The following ARAP2 variants were observed in gnomAD, a reference collection of about 807,000 sequenced individuals.
ARAP2 encodes arf-GAP with Rho-GAP domain, ANK repeat and PH domain-containing protein 2.
ARAP2 carries 148 observed loss-of-function variants against 194.5 expected under a neutral mutation model. The observed-to-expected ratio is 0.76, with a 90% CI of 0.67 to 0.87. The LOEUF (loss-of-function observed/expected upper bound fraction) is 0.87, where lower values mean the gene tolerates loss of function less well. ARAP2 is among the 40% of genes least tolerant of loss of function. The probability of loss-of-function intolerance (pLI) is 0.00; values close to 1 mark genes in which losing one functional copy is unlikely to be tolerated. For synonymous variants in ARAP2, 695 were observed against 683.5 expected (o/e 1.02, Z -0.26); for missense variants, 2,128 against 1,989.7 (o/e 1.07, Z -1.32).
chr4:36,177,161 T>G (rs1738130233), intron 9 of ARAP2, among the ~76,000 whole-genome samples: 1 of 152,120 alleles, frequency 6.6e-6, no homozygotes, highest in South Asian at 2.1e-4. Context: ...TTTGTTAAAA[T>G]TTTAGTTTAC....
chr4:36,032,210 G>A (rs1719098088), intron 5 of ARAP2, among the ~76,000 whole-genome samples: 1 of 152,140 alleles, frequency 6.6e-6, no homozygotes, highest in African/African-American at 2.4e-5. Context: ...TGGCCTAACA[G>A]CATTCACAGG....
chr4:36,108,374 G>A (rs1385047662), intron 26 of ARAP2, among the ~76,000 whole-genome samples: 1 of 151,608 alleles, frequency 6.6e-6, no homozygotes, highest in African/African-American at 2.4e-5. Flanking sequence ...CATAATTTTG[G>A]ATCAACACTA....
chr4:36,238,021 C>T (rs1204451746), intron 1 of ARAP2, among the ~76,000 whole-genome samples: 1 of 152,188 alleles, frequency 6.6e-6, no homozygotes, highest in Non-Finnish European at 1.5e-5. Context: ...TTTTTCTAGT[C>T]TGAGTGCTTA....
chr4:36,210,126 A>AT (rs1746414924), intron 6 of ARAP2, among the ~76,000 whole-genome samples: 1 of 152,196 alleles, frequency 6.6e-6, no homozygotes, highest in Admixed American at 6.6e-5. Context: ...AGAAGGTAAC[A>AT]TTAAGAAATT....
intron 1 of ARAP2, among the ~76,000 whole-genome samples, chr4:36,236,232 G>A (rs10034139): frequency 0.054 from 8,135 of 149,766 alleles, 755 homozygotes; most frequent in African/African-American, 0.19. Flanking sequence ...CTAATGTCTC[G>A]AATAAGGAAA....
intron 32 of ARAP2, among the ~76,000 whole-genome samples, chr4:36,068,691 T>C (rs7688536): frequency 0.029 from 4,405 of 152,314 alleles, 196 homozygotes; most frequent in African/African-American, 0.097. Flanking sequence ...TGATATGGCG[T>C]GCTGTGTTGC....
chr4:36,154,159 G>A (rs1169264593), intron 15 of ARAP2, among the ~76,000 whole-genome samples: 4 of 152,076 alleles, frequency 2.6e-5, no homozygotes, highest in Admixed American at 6.5e-5. Flanking sequence ...TAAAGAATGT[G>A]TACAATACAT....
intron 6 of ARAP2, chr4:36,019,112 A>T (rs1560273587): frequency 6.7e-6 from 1 of 149,644 alleles, no homozygotes; most frequent in Non-Finnish European, 1.5e-5. Context: ...TTTAAAATAC[A>T]TCTTTTAAAA....
chr4:36,197,992 T>C (rs950766508), intron 6 of ARAP2, among the ~76,000 whole-genome samples: 8 of 152,168 alleles, frequency 5.3e-5, no homozygotes, highest in Non-Finnish European at 1.5e-5. Flanking sequence ...GAAGGCGAAG[T>C]GTTTCAGCCC....
chr4:36,147,410 A>T, intron 18 of ARAP2, 51 bp from the exon 19 acceptor site: 1 of 1,591,884 alleles, frequency 6.3e-7, no homozygotes, highest in Non-Finnish European at 8.6e-7. Context: ...ACTGTAATAA[A>T]CACCCATGAA....
intron 19 of ARAP2, among the ~76,000 whole-genome samples, chr4:36,136,783 A>ATGTGTGTGTGTGTGTG (rs772565955): frequency 7.0e-6 from 1 of 143,802 alleles, no homozygotes; most frequent in African/African-American, 2.6e-5. Flanking sequence ...AATCAAATAT[A>ATGTGTGTGTGTGTGTG]TGTGTGTGTG....
At position 36,228,825 on chromosome 4, in the gene ARAP2, C is replaced by A. The variant is rs1352627169; in HGVS notation, c.662G>T (p.Gly221Val). The change falls in exon 2 of 33, where the codon GGC becomes GTC. Residue 221 changes from glycine (G) to valine (V), a missense_variant. Physicochemically the swap from Gly to Val is moderately radical, Grantham distance 109 (BLOSUM62 -3). Coordinates refer to ENST00000303965, the MANE Select transcript of ARAP2 (RefSeq NM_015230.4). ...AGAATTTGTTCCTGATGTTGAACAG[C>A]CAACAAAAGAAAGGCATTCAGAGTC... Reference protein sequence around the residue: ...NADSECLSFVGCSTSGTNSGN... With the variant: ...NADSECLSFVVCSTSGTNSGN... The A allele has an allele frequency of 6.2e-7, 1 of 1,614,098 alleles. No individual in the cohort carries two copies. The highest frequency in any genetic ancestry group is 8.5e-7 in the Non-Finnish European group (1 of 1,180,008).
intron 8 of ARAP2, among the ~76,000 whole-genome samples, chr4:36,181,159 A>G (rs1256106514): frequency 6.6e-6 from 1 of 152,206 alleles, no homozygotes; most frequent in African/African-American, 2.4e-5. Context: ...GTCTATCTTG[A>G]TCTTAGCACT....
At chr4:36,180,127 A>G (rs773842226) in intron 8 of ARAP2, among the ~76,000 whole-genome samples, 3 of 151,930 alleles carry the variant, frequency 2.0e-5, no homozygotes, top group Non-Finnish European at 2.9e-5. Context: ...ACACACACAA[A>G]AATTAGCTGG....
Position 36,177,877 on chromosome 4 carries a change from T to A in ARAP2, c.1807A>T (p.Ile603Phe). Reference protein sequence around the residue: ...YLELRGYKAKIFTVLSGNSVW... With the variant: ...YLELRGYKAKFFTVLSGNSVW... ...CTGTTTCCACTTAACACAGTAAAAA[T>A]TTTTGCCTTATAGCCTCTCAATTCA... Residue 603 changes from isoleucine (I) to phenylalanine (F), a missense_variant, in exon 9 of 33, where the codon ATT becomes TTT. Transcript: ENST00000303965. 6.2e-7 allele frequency: 1 copy of A among 1,612,978 alleles called. No homozygotes were observed. The highest frequency in any genetic ancestry group is 8.5e-7 in the Non-Finnish European group (1 of 1,179,428).
intron 9 of ARAP2, among the ~76,000 whole-genome samples, chr4:36,167,327 AC>A (rs1483412310): frequency 1.3e-5 from 2 of 151,962 alleles, no homozygotes; most frequent in Non-Finnish European, 2.9e-5. Context: ...CACAATATTC[AC>A]CCTTATCCAT....
intron 25 of ARAP2, among the ~76,000 whole-genome samples, chr4:36,116,267 C>A (rs1343694001): frequency 6.6e-6 from 1 of 151,660 alleles, no homozygotes; most frequent in Non-Finnish European, 1.5e-5. Context: ...TAACTTAAGT[C>A]CAAATATATC....
intron 13 of ARAP2, chr4:36,159,886 T>C (rs937765984): frequency 6.1e-6 from 1 of 165,152 alleles, no homozygotes; most frequent in Non-Finnish European, 1.3e-5. Context: ...TGAATGTTAA[T>C]ATATATTTTC....
At chr4:36,232,127 T>C (rs1363377463) in intron 1 of ARAP2, among the ~76,000 whole-genome samples, 1 of 152,216 alleles carries the variant, frequency 6.6e-6, no homozygotes, top group Admixed American at 6.5e-5. Flanking sequence ...TCTCAACCTC[T>C]AGAGCTGTGA....
Sources: allele counts gnomAD v4.1 joint callset (sites outside exome capture counted in the v4.1 genomes callset), GRCh38; gene constraint gnomAD v4.1.1; transcripts MANE v1.5; gene names NCBI Gene and HGNC (gene_info 2026-07-23, HGNC 2026-07-21).